CACNA1B: variants seen among roughly 807,000 people sequenced by gnomAD.
CACNA1B encodes voltage-dependent N-type calcium channel subunit alpha-1B.
CACNA1B carries 70 observed loss-of-function variants against 247.2 expected under a neutral mutation model. That is an observed-to-expected ratio of 0.28 (90% CI 0.23 to 0.35). The LOEUF (loss-of-function observed/expected upper bound fraction) is 0.35. Ranked by LOEUF, CACNA1B falls within the 10% of genes least tolerant of loss-of-function variation. The pLI is 1.00. For synonymous variants in CACNA1B, 1,231 were observed against 1,294.4 expected, an observed-to-expected ratio of 0.95 and a Z score of 1.05; for missense variants, 2,367 against 3,197.4, an observed-to-expected ratio of 0.74 and a Z score of 6.26.
intron 25 of CACNA1B, among the ~76,000 whole-genome samples, chr9:138,053,617 C>A (rs1281550663): frequency 1.4e-5 from 2 of 139,290 alleles, no homozygotes; most frequent in Non-Finnish European, 1.6e-5. Context: ...CATGGCTCCA[C>A]CCCTCTCATC....
At chr9:137,903,026 C>G (rs930371515) in intron 3 of CACNA1B, among the ~76,000 whole-genome samples, 13 of 152,330 alleles carry the variant, frequency 8.5e-5, no homozygotes, top group Non-Finnish European at 1.5e-4. Flanking sequence ...CTTTAGACAT[C>G]TCTGATTATT....
At position 138,083,452 on chromosome 9, in the gene CACNA1B, C is replaced by T. The variant is rs568311200; in HGVS notation, c.5094+5194C>T. 1.3e-4 allele frequency among the ~76,000 whole-genome samples: 20 copies of T among 150,940 alleles called. 1 individual carries two copies. In the East Asian group the frequency reaches 1.9e-3, roughly 14 times the overall value. Reference sequence around the variant, plus strand: ...AAAACAGTACCTTGGCCACTCAGAGCGGTCACACCTCCCCAGTGTCTTAAG... The same window carrying T: ...AAAACAGTACCTTGGCCACTCAGAGTGGTCACACCTCCCCAGTGTCTTAAG... On this transcript the variant is annotated intron_variant, in intron 36 of 46. Transcript: ENST00000371372.
chr9:137,966,325 T>A (rs1409948141), intron 10 of CACNA1B, among the ~76,000 whole-genome samples: 3 of 143,416 alleles, frequency 2.1e-5, no homozygotes, highest in Admixed American at 7.0e-5. Flanking sequence ...CCCGGGTTCA[T>A]GCCATTCTCC....
Position 137,917,110 on chromosome 9 carries a change from G to A in CACNA1B, c.776-131G>A, listed in dbSNP as rs1325220157. On this transcript the variant is annotated intron_variant, in intron 5 of 46. Coordinates refer to ENST00000371372, the MANE Select transcript of CACNA1B (RefSeq NM_000718.4). This position sits in a 1 kb window ranked among gnomAD's most constrained non-coding sequence, Gnocchi z 5.5. ...ATTCGAGGAGGGATGGTGGGAAGTT[G>A]AGGGAGAGTTTCTGTTGGTGGCTGG... The A allele has an allele frequency of 9.3e-6, 7 of 753,524 alleles. No individual in the cohort carries two copies. Among genetic ancestry groups the A allele is most frequent in the Non-Finnish European group, 1.5e-5 (7 of 467,376 alleles). 46.7% of individuals were successfully genotyped at this position (753,524 alleles called of 1,614,324 possible). A position where few individuals can be genotyped will look rare whatever the true frequency, so the allele number is the denominator to read the frequency against.
Position 137,913,359 on chromosome 9 carries a change from T to A in CACNA1B, c.622+88T>A. The A allele has an allele frequency of 9.6e-7, 1 of 1,039,962 alleles. No individual in the cohort carries two copies. The highest frequency in any genetic ancestry group is 1.4e-6 in the Non-Finnish European group (1 of 690,664). The allele number at this position is 1,039,962 out of a possible 1,614,324, so 64.4% of individuals were successfully genotyped here. A position where few individuals can be genotyped will look rare whatever the true frequency, so the allele number is the denominator to read the frequency against. The stretch of plus-strand genomic sequence containing the variant: ...CACGGACATGGCCATGGCCATGGTT[T>A]GGCTTTGGTGACTCTGAGCTTGCCA... On this transcript the variant is annotated intron_variant, in intron 4 of 46. Coordinates refer to ENST00000371372, the MANE Select transcript of CACNA1B (RefSeq NM_000718.4). The surrounding 1 kb of genome is among the most constrained non-coding windows in gnomAD (Gnocchi z 5.2).
rs202012743 is a variant in CACNA1B, at chr9:138,123,899, G to C, written c.*1900G>C. ...GAAGGATGTGTATTTTGACACTGAC[G>C]TTTTGTCTCTTGTTCCCCAGCCCCC... On this transcript the variant is annotated 3_prime_UTR_variant, in exon 47 of 47. Transcript: ENST00000371372. 6.6e-6 allele frequency: 1 copy of C among 152,156 alleles called. No individual in the cohort carries two copies. The highest frequency in any genetic ancestry group is 1.5e-5 in the Non-Finnish European group (1 of 68,036). 9.4% of individuals were successfully genotyped at this position (152,156 alleles called of 1,614,324 possible). A position where few individuals can be genotyped will look rare whatever the true frequency, so the allele number is the denominator to read the frequency against.
rs1335885378 is a variant in CACNA1B, at chr9:138,121,237, C to T, written c.6490-232C>T. On this transcript the variant is annotated intron_variant, in intron 46 of 46. Transcript: ENST00000371372. This position sits in a 1 kb window ranked among gnomAD's most constrained non-coding sequence, Gnocchi z 6.8. The stretch of plus-strand genomic sequence containing the variant: ...TCCTTTTCCCTGGCCCCAGCCTGTC[C>T]CTTCCCATCACCTGCTCTCCCCAAC... 6.6e-6 allele frequency among the ~76,000 whole-genome samples: 1 copy of T among 151,924 alleles called. No homozygotes were observed. Among genetic ancestry groups the T allele is most frequent in the African/African-American group, 2.4e-5 (1 of 41,332 alleles).
At chr9:137,920,033 C>T (rs1387819438) in intron 6 of CACNA1B, among the ~76,000 whole-genome samples, 1 of 152,060 alleles carries the variant, frequency 6.6e-6, no homozygotes, top group African/African-American at 2.4e-5. Context: ...AACAGCTGTC[C>T]CTTCTCCCTC....
chr9:138,042,020 C>T (rs1299041688), intron 20 of CACNA1B, among the ~76,000 whole-genome samples: 1 of 152,210 alleles, frequency 6.6e-6, no homozygotes, highest in Non-Finnish European at 1.5e-5. Context: ...TCCCTCCCAC[C>T]TTGGCCTCCC....
chr9:138,110,118 C>T (rs12376970), intron 39 of CACNA1B, among the ~76,000 whole-genome samples: 10 of 134,454 alleles, frequency 7.4e-5, no homozygotes, highest in East Asian at 2.0e-4. Context: ...TATATATATA[C>T]ATATATATAT....
chr9:137,984,184 C>A lies in CACNA1B; in HGVS notation c.1703C>A (p.Pro568Gln). Residue 568 changes from proline to glutamine, a missense_variant, in exon 13 of 47, where the codon CCG becomes CAG. This residue lies in a region of CACNA1B where 219 missense variants were observed against 297.6 expected (regional missense o/e 0.74). Coordinates refer to ENST00000371372, the MANE Select transcript of CACNA1B (RefSeq NM_000718.4). Reference sequence around the variant, plus strand: ...GAAGTGGTCTGGGCGGCCATCAAGCCGGGAAGCTCCTTTGGGATCAGTGTG... The same window carrying A: ...GAAGTGGTCTGGGCGGCCATCAAGCAGGGAAGCTCCTTTGGGATCAGTGTG... ...VFEVVWAAIK[P>Q]GSSFGISVLR... 2 of 1,605,028 alleles carry A rather than the reference C, an allele frequency of 1.2e-6. No homozygotes were observed. The highest frequency in any genetic ancestry group is 2.3e-5 in the South Asian group (2 of 88,788).
chr9:138,040,093 A>T (rs1188771227), intron 20 of CACNA1B, among the ~76,000 whole-genome samples: 1 of 152,138 alleles, frequency 6.6e-6, no homozygotes, highest in Non-Finnish European at 1.5e-5. Flanking sequence ...GCACACCACC[A>T]TACCCAGCTA....
intron 6 of CACNA1B, among the ~76,000 whole-genome samples, chr9:137,918,586 G>A (rs1164674936): frequency 1.3e-5 from 2 of 152,014 alleles, no homozygotes; most frequent in East Asian, 1.9e-4. Flanking sequence ...CTTGGTCCAC[G>A]TGTGCCTGGG....
At chr9:138,031,863 C>T (rs886810641) in intron 20 of CACNA1B, among the ~76,000 whole-genome samples, 4 of 152,036 alleles carry the variant, frequency 2.6e-5, no homozygotes, top group Admixed American at 6.5e-5. Context: ...TATATTTTTT[C>T]AACCTTTTGC....
chr9:138,049,071 T>C (rs1330932199), intron 23 of CACNA1B, 138 bp from the exon 24 acceptor site: 13 of 667,080 alleles, frequency 1.9e-5, no homozygotes, highest in Non-Finnish European at 2.8e-5. Flanking sequence ...CCCTGGCTGG[T>C]GTCCAACTCC....
chr9:138,068,559 G>A (rs369902387), intron 31 of CACNA1B: 15 of 517,842 alleles, frequency 2.9e-5, no homozygotes, highest in Non-Finnish European at 5.0e-5. Context: ...TGCGCTTTCC[G>A]AGAGGCACAG....
chr9:137,923,449 GGTATTCCGTGGTGCCAGGTA>G lies in CACNA1B; in HGVS notation c.966+6038_966+6057del, dbSNP rs1460268980. On this transcript the variant is annotated intron_variant, in intron 6 of 46. Coordinates refer to ENST00000371372, the MANE Select transcript of CACNA1B (RefSeq NM_000718.4). ...CAGGTGGTATTCCGTGGCTCCAGGTGGTATTCCGTGGTGCCAGGTAGTATTCCGTGGTGCCAGGTGGTATT... is the reference window on the plus strand; with the variant it reads ...CAGGTGGTATTCCGTGGCTCCAGGTGGTATTCCGTGGTGCCAGGTGGTATT... Among the ~76,000 whole-genome samples the G allele has an allele frequency of 5.4e-4, 79 of 147,336 alleles. No homozygotes were observed. In the East Asian group the frequency reaches 7.7e-3, roughly 14 times the overall value.
chr9:137,902,628 T>G (rs1357275387), intron 3 of CACNA1B, among the ~76,000 whole-genome samples: 3 of 152,234 alleles, frequency 2.0e-5, no homozygotes, highest in African/African-American at 7.2e-5. Flanking sequence ...CTGATTTTCT[T>G]ACTTTATGAC....
At chr9:138,055,941 G>C (rs1050975629) in intron 26 of CACNA1B, among the ~76,000 whole-genome samples, 7 of 151,990 alleles carry the variant, frequency 4.6e-5, no homozygotes, top group Admixed American at 4.6e-4. Context: ...CAGGCGAATC[G>C]CTTGAACCTG....
Sources: allele counts gnomAD v4.1 joint callset (sites outside exome capture counted in the v4.1 genomes callset), GRCh38; gene constraint gnomAD v4.1.1; regional missense constraint gnomAD v4.1.1; non-coding constraint Gnocchi (gnomAD v3.1); transcripts MANE v1.5; gene names NCBI Gene and HGNC (gene_info 2026-07-23, HGNC 2026-07-21).